The following CNKSR2 variants were observed in gnomAD, a reference collection of about 807,000 sequenced individuals.
CNKSR2 encodes the protein CNK homolog protein 2.
In CNKSR2, 14 loss-of-function variants were observed where a neutral mutation model predicts 84.4. The ratio of observed to expected loss-of-function variants is 0.17; its 90% confidence interval spans 0.11 to 0.26. The LOEUF (loss-of-function observed/expected upper bound fraction) is 0.26, where lower values mean the gene tolerates loss of function less well. CNKSR2 is among the 10% of genes least tolerant of loss of function. The pLI is 1.00. For missense variants in CNKSR2, 485 were observed against 771.2 expected, an observed-to-expected ratio of 0.63 and a Z score of 4.40; for synonymous variants, 275 against 277.9, an observed-to-expected ratio of 0.99 and a Z score of 0.10.
chrX:21,408,160 A>G (rs929724324), intron 1 of CNKSR2, among the ~76,000 whole-genome samples: 1 of 111,986 alleles, frequency 8.9e-6, no homozygotes, highest in Admixed American at 9.5e-5. Context: ...AATATTTTCT[A>G]TACCTTTCAC....
At chrX:21,418,620 G>A (rs926893343) in intron 1 of CNKSR2, among the ~76,000 whole-genome samples, 9 of 110,865 alleles carry the variant, frequency 8.1e-5, no homozygotes, top group Non-Finnish European at 1.1e-4. Flanking sequence ...GCCACTCTCT[G>A]CTGGCCTATA....
intron 1 of CNKSR2, among the ~76,000 whole-genome samples, chrX:21,395,984 T>C (rs1205376865): frequency 1.8e-5 from 2 of 112,027 alleles, no homozygotes; most frequent in Non-Finnish European, 3.8e-5. Context: ...CAGATTCTGT[T>C]TGGCAAATTC....
chrX:21,615,273 G>T (rs2092571496), intron 20 of CNKSR2, among the ~76,000 whole-genome samples: 1 of 112,217 alleles, frequency 8.9e-6, no homozygotes, highest in South Asian at 3.7e-4. Context: ...TGAAATGTTA[G>T]ATATATAAAT....
intron 6 of CNKSR2, chrX:21,492,551 C>CT (rs940043288): frequency 6.3e-5 from 7 of 110,271 alleles, no homozygotes; most frequent in Non-Finnish European, 9.5e-5. Context: ...CTGAACAAAG[C>CT]TTTTTTTACT....
chrX:21,445,162 TTA>T (rs1255674145), intron 4 of CNKSR2, among the ~76,000 whole-genome samples: 1 of 111,315 alleles, frequency 9.0e-6, no homozygotes, highest in East Asian at 2.8e-4. Context: ...GACCTGAAAA[TTA>T]TATTGGGGCT....
intron 1 of CNKSR2, among the ~76,000 whole-genome samples, chrX:21,409,163 A>G (rs951283521): frequency 2.3e-4 from 23 of 101,121 alleles, no homozygotes; most frequent in African/African-American, 8.2e-4. Context: ...AAGTAAATCT[A>G]TGGATATGGT....
At chrX:21,440,121 G>T (rs1409552497) in intron 3 of CNKSR2, among the ~76,000 whole-genome samples, 1 of 111,459 alleles carries the variant, frequency 9.0e-6, no homozygotes, top group Non-Finnish European at 1.9e-5. Flanking sequence ...TACTAGTTGT[G>T]TGACCTTAGA....
chrX:21,443,304 A>AT (rs1311215238), intron 4 of CNKSR2, among the ~76,000 whole-genome samples: 5 of 111,755 alleles, frequency 4.5e-5, no homozygotes, highest in South Asian at 3.7e-4. Flanking sequence ...AATGTCAGAG[A>AT]TTTTTTTCTC....
Position 21,532,035 on chromosome X carries a change from G to A in CNKSR2, c.1271G>A (p.Ser424Asn), listed in dbSNP as rs1179015378. 2 of 1,201,777 alleles carry A rather than the reference G, an allele frequency of 1.7e-6. No individual in the cohort carries two copies. The highest frequency in any genetic ancestry group is 1.1e-6 in the Non-Finnish European group (1 of 888,187). ...GAATATGAAAAAGGAAGATCAAGTA[G>A]TCAAGGAAGACGAGAAAGCACCCCA... ...CYEYEKGRSS[S>N]QGRRESTPTY... The change falls in exon 11 of 22, where the codon AGT (serine) becomes AAT (asparagine). Residue 424 changes from serine to asparagine, a missense_variant. Ser to Asn is a conservative substitution (Grantham distance 46, BLOSUM62 1). Transcript: ENST00000379510.
At chrX:21,443,045 G>C (rs2090805832) in intron 4 of CNKSR2, among the ~76,000 whole-genome samples, 1 of 110,198 alleles carries the variant, frequency 9.1e-6, no homozygotes, top group South Asian at 3.9e-4. Flanking sequence ...TACCTTTCGG[G>C]TACTATGCTC....
At chrX:21,638,902 A>G (rs2092682728) in intron 20 of CNKSR2, among the ~76,000 whole-genome samples, 1 of 111,589 alleles carries the variant, frequency 9.0e-6, no homozygotes, top group South Asian at 3.8e-4. Context: ...GGCTCGTCTC[A>G]AACTGCTGGC....
intron 5 of CNKSR2, among the ~76,000 whole-genome samples, chrX:21,482,141 AAAT>A (rs751803569): frequency 2.7e-5 from 3 of 112,296 alleles, no homozygotes; most frequent in East Asian, 2.8e-4. Flanking sequence ...CAAAAACAAA[AAAT>A]GTATTTTTTA....
intron 13 of CNKSR2, among the ~76,000 whole-genome samples, chrX:21,569,171 T>C (rs1317311436): frequency 2.7e-5 from 3 of 111,810 alleles, no homozygotes. Context: ...TTAGGAAATA[T>C]TGCTAAAATA....
chrX:21,424,580 C>T (rs1259320682), intron 1 of CNKSR2: 2 of 111,620 alleles, frequency 1.8e-5, no homozygotes, highest in East Asian at 5.6e-4. Flanking sequence ...GCTCATGTCC[C>T]TTATATAAAA....
At chrX:21,498,100 A>G (rs1268384157) in intron 7 of CNKSR2, among the ~76,000 whole-genome samples, 2 of 111,850 alleles carry the variant, frequency 1.8e-5, no homozygotes, top group Non-Finnish European at 3.8e-5. Flanking sequence ...TTTCTGATTC[A>G]TGACAAGTTA....
intron 4 of CNKSR2, among the ~76,000 whole-genome samples, chrX:21,450,826 A>G (rs2090918606): frequency 8.9e-6 from 1 of 111,824 alleles, no homozygotes; most frequent in African/African-American, 3.2e-5. Flanking sequence ...TTCTATGACT[A>G]TAAAGTTCTT....
At chrX:21,573,466 C>T (rs976920354) in intron 13 of CNKSR2, among the ~76,000 whole-genome samples, 1 of 112,368 alleles carries the variant, frequency 8.9e-6, no homozygotes, top group African/African-American at 3.2e-5. Flanking sequence ...GAGGGCTCCA[C>T]CCCTGCAGCA....
chrX:21,437,647 T>A (rs909924021), intron 3 of CNKSR2, among the ~76,000 whole-genome samples: 1 of 109,810 alleles, frequency 9.1e-6, no homozygotes, highest in Admixed American at 9.7e-5. Context: ...CTTGAACTCC[T>A]GACCTCGTGA....
chrX:21,574,319 C>T, intron 13 of CNKSR2, among the ~76,000 whole-genome samples: 1 of 111,805 alleles, frequency 8.9e-6, no homozygotes, highest in Non-Finnish European at 1.9e-5. Context: ...TTTTGGGTAT[C>T]CTTATAGCAG....
Sources: allele counts gnomAD v4.1 joint callset (sites outside exome capture counted in the v4.1 genomes callset), GRCh38; gene constraint gnomAD v4.1.1; transcripts MANE v1.5; gene names NCBI Gene and HGNC (gene_info 2026-07-23, HGNC 2026-07-21).